The following ULK4 variants were observed in gnomAD, a reference collection of about 807,000 sequenced individuals.
ULK4 encodes inactive serine/threonine-protein kinase ULK4.
A neutral mutation model predicts 160.6 loss-of-function variants in ULK4; 133 were observed. The observed-to-expected ratio is 0.83, with a 90% CI of 0.72 to 0.96. ULK4 has a LOEUF of 0.96. ULK4 is among the 40% of genes least tolerant of loss of function. ULK4 has a pLI of 0.00. For synonymous variants in ULK4, 534 were observed against 539.8 expected (o/e 0.99, Z 0.15); for missense variants, 1,580 against 1,499.5 (o/e 1.05, Z -0.89).
chr3:41,277,592 ATACCTCAATG>A (rs2079252008), intron 35 of ULK4, among the ~76,000 whole-genome samples: 2 of 152,130 alleles, frequency 1.3e-5, no homozygotes, highest in Admixed American at 1.3e-4. Context: ...TAAAAGGGAC[ATACCTCAATG>A]TAATAAAAGC....
intron 35 of ULK4, among the ~76,000 whole-genome samples, chr3:41,378,320 C>T (rs1192903944): frequency 2.6e-5 from 4 of 151,162 alleles, no homozygotes; most frequent in African/African-American, 9.7e-5. Flanking sequence ...CACATGTATA[C>T]ATATGTAACT....
chr3:41,646,221 T>C (rs955031839), intron 30 of ULK4, among the ~76,000 whole-genome samples: 4 of 152,172 alleles, frequency 2.6e-5, no homozygotes, highest in African/African-American at 4.8e-5. Flanking sequence ...ATGTGTGAAT[T>C]TGATCCTGTC....
At chr3:41,899,613 T>A in intron 13 of ULK4, among the ~76,000 whole-genome samples, 1 of 152,014 alleles carries the variant, frequency 6.6e-6, no homozygotes, top group Admixed American at 6.6e-5. Flanking sequence ...TTTTTTGCAA[T>A]TTTTTTTGTT....
At chr3:41,495,912 T>G (rs2084972159) in intron 32 of ULK4, among the ~76,000 whole-genome samples, 1 of 151,980 alleles carries the variant, frequency 6.6e-6, no homozygotes, top group Non-Finnish European at 1.5e-5. Flanking sequence ...AAAAAAGAAC[T>G]TTTAAAACTT....
chr3:41,845,177 G>T (rs2042039085), intron 17 of ULK4, among the ~76,000 whole-genome samples: 2 of 152,128 alleles, frequency 1.3e-5, no homozygotes, highest in Admixed American at 1.3e-4. Flanking sequence ...GTGTTAGCCA[G>T]GATGGTCTCG....
intron 32 of ULK4, among the ~76,000 whole-genome samples, chr3:41,555,396 T>C (rs1005488262): frequency 3.3e-5 from 5 of 150,050 alleles, no homozygotes; most frequent in African/African-American, 7.3e-5. Context: ...AAGGAAGACA[T>C]ACATGAAACC....
At chr3:41,377,540 AACCCC>A in intron 35 of ULK4, among the ~76,000 whole-genome samples, 1 of 144,376 alleles carries the variant, frequency 6.9e-6, no homozygotes, top group South Asian at 2.2e-4. Context: ...AAAAACAAAC[AACCCC>A]ATCAAAAAGT....
chr3:41,944,102 T>C (rs531096105), intron 2 of ULK4, among the ~76,000 whole-genome samples: 1 of 152,162 alleles, frequency 6.6e-6, no homozygotes, highest in Non-Finnish European at 1.5e-5. Flanking sequence ...TTATTCAACG[T>C]AACCCCGTGG....
chr3:41,413,531 T>C (rs1418206667), intron 34 of ULK4, among the ~76,000 whole-genome samples: 1 of 152,142 alleles, frequency 6.6e-6, no homozygotes, highest in Non-Finnish European at 1.5e-5. Context: ...AAAGTAGATA[T>C]TACCACCATT....
chr3:41,745,868 T>C (rs909653418), intron 22 of ULK4, among the ~76,000 whole-genome samples: 9 of 151,136 alleles, frequency 6.0e-5, no homozygotes, highest in African/African-American at 2.0e-4. Context: ...CAATGTAATA[T>C]AGCAACAGCT....
chr3:41,538,361 T>C (rs909843725), intron 32 of ULK4, among the ~76,000 whole-genome samples: 1 of 151,986 alleles, frequency 6.6e-6, no homozygotes, highest in Non-Finnish European at 1.5e-5. Flanking sequence ...TTTGTTTTTT[T>C]TCTACAATGG....
At chr3:41,844,097 C>G (rs949318571) in intron 17 of ULK4, among the ~76,000 whole-genome samples, 43 of 152,352 alleles carry the variant, frequency 2.8e-4, no homozygotes, top group African/African-American at 1.0e-3. Context: ...GGGAGCACCG[C>G]TGGCTTCACC....
intron 32 of ULK4, among the ~76,000 whole-genome samples, chr3:41,564,615 C>G (rs1408192037): frequency 6.6e-6 from 1 of 151,832 alleles, no homozygotes; most frequent in Non-Finnish European, 1.5e-5. Flanking sequence ...CCCGCCACCA[C>G]ACCTGGCTAA....
chr3:41,958,803 G>T (rs1434128214), intron 1 of ULK4, among the ~76,000 whole-genome samples: 2 of 151,906 alleles, frequency 1.3e-5, no homozygotes, highest in African/African-American at 4.8e-5. Flanking sequence ...TCTACAAAAT[G>T]TTAGCGGGTA....
chr3:41,733,721 C>T (rs1286806081), intron 22 of ULK4, among the ~76,000 whole-genome samples: 2 of 137,364 alleles, frequency 1.5e-5, no homozygotes, highest in African/African-American at 6.2e-5. Context: ...CAACTAAACA[C>T]ATGATTTTTT....
intron 18 of ULK4, among the ~76,000 whole-genome samples, chr3:41,827,800 G>C (rs1317785346): frequency 6.6e-6 from 1 of 151,986 alleles, no homozygotes; most frequent in Non-Finnish European, 1.5e-5. Flanking sequence ...CTCATTTTAT[G>C]AGGCCAGCAT....
chr3:41,351,123 G>C (rs760553621), intron 35 of ULK4, among the ~76,000 whole-genome samples: 5 of 152,172 alleles, frequency 3.3e-5, no homozygotes, highest in Admixed American at 3.3e-4. Flanking sequence ...GTCAAGTCTT[G>C]TAAGAGTCGT....
chr3:41,823,668 G>C (rs1200200978), intron 18 of ULK4, among the ~76,000 whole-genome samples: 1 of 152,076 alleles, frequency 6.6e-6, no homozygotes, highest in African/African-American at 2.4e-5. Flanking sequence ...GTACCAACAG[G>C]TTAGCACTGA....
chr3:41,883,999 G>T (rs781570274), intron 16 of ULK4, 47 bp from the exon 17 acceptor site: 3 of 1,353,376 alleles, frequency 2.2e-6, no homozygotes, highest in Non-Finnish European at 2.1e-6. Context: ...GTCGGGGACC[G>T]AGGAAACTAA....
Sources: gnomAD v4.1 joint callset for allele counts (sites outside exome capture counted in the v4.1 genomes callset) on GRCh38, gnomAD v4.1.1 for gene constraint, MANE v1.5 for transcripts, NCBI Gene and HGNC (gene_info 2026-07-23, HGNC 2026-07-21) for gene names.